The following HIBCH variants were observed in gnomAD, a reference collection of about 807,000 sequenced individuals.
HIBCH encodes the protein 3-hydroxyisobutyryl-CoA hydrolase, mitochondrial.
In HIBCH, 50 loss-of-function variants were observed where a neutral mutation model predicts 58.2. The observed-to-expected ratio is 0.86, with a 90% CI of 0.68 to 1.09. The LOEUF (loss-of-function observed/expected upper bound fraction) is 1.09. Ranked by LOEUF, HIBCH falls within the 50% of genes least tolerant of loss-of-function variation. HIBCH has a pLI of 0.00. For missense variants in HIBCH, 450 were observed against 449.7 expected, an observed-to-expected ratio of 1.00 and a Z score of -0.01; for synonymous variants, 151 against 146.9, an observed-to-expected ratio of 1.03 and a Z score of -0.20.
Position 190,204,947 on chromosome 2 carries a change from A to C in HIBCH, c.*170T>G. 1 of 626,012 alleles carries C rather than the reference A, an allele frequency of 1.6e-6. No individual in the cohort carries two copies. Among genetic ancestry groups the C allele is most frequent in the South Asian group, 1.8e-5 (1 of 54,604 alleles). 38.8% of individuals were successfully genotyped at this position (626,012 alleles called of 1,614,324 possible). A position where few individuals can be genotyped will look rare whatever the true frequency, so the allele number is the denominator to read the frequency against. ...AAAGCTTTATTTGTGAATTCTGATA[A>C]TTTTCACGTCATGAATTATTAGTCT... On this transcript the variant is annotated 3_prime_UTR_variant, in exon 14 of 14. Transcript: ENST00000359678.
In HIBCH at chr2:190,211,716, T is replaced by C. The variant is rs1056428168; in HGVS notation, c.1011+1240A>G. On this transcript the variant is annotated intron_variant, in intron 12 of 13. Coordinates refer to ENST00000359678, the MANE Select transcript of HIBCH (RefSeq NM_014362.4). This position sits in a 1 kb window ranked among gnomAD's most constrained non-coding sequence, Gnocchi z 5.0. The stretch of plus-strand genomic sequence containing the variant: ...TGTATGTTTTCCTTTAGAGTACTTA[T>C]CACAATTTATAATTATTTTACTTAT... 6.6e-6 allele frequency among the ~76,000 whole-genome samples: 1 copy of C among 152,208 alleles called. No individual in the cohort carries two copies. Among genetic ancestry groups the C allele is most frequent in the African/African-American group, 2.4e-5 (1 of 41,448 alleles).
intron 6 of HIBCH, among the ~76,000 whole-genome samples, chr2:190,280,352 C>T (rs1487204970): frequency 6.6e-6 from 1 of 152,086 alleles, no homozygotes; most frequent in East Asian, 1.9e-4. Context: ...GGTAGCTAGG[C>T]AGACATGAGC....
chr2:190,293,031 G>A (rs969517407), intron 4 of HIBCH, among the ~76,000 whole-genome samples: 14 of 152,150 alleles, frequency 9.2e-5, no homozygotes, highest in African/African-American at 2.9e-4. Context: ...TCTACAACTT[G>A]TAGCTGTTAT....
intron 2 of HIBCH, among the ~76,000 whole-genome samples, chr2:190,300,412 T>G (rs1202518645): frequency 6.6e-6 from 1 of 152,156 alleles, no homozygotes; most frequent in East Asian, 1.9e-4. Context: ...TCTCTAATGA[T>G]CAGTGATACT....
chr2:190,293,829 G>C (rs1483704374), intron 4 of HIBCH, among the ~76,000 whole-genome samples: 1 of 151,438 alleles, frequency 6.6e-6, no homozygotes, highest in African/African-American at 2.4e-5. Flanking sequence ...GACAATTATA[G>C]TGATTATAAT....
chr2:190,285,032 T>C (rs531895981), intron 6 of HIBCH, among the ~76,000 whole-genome samples: 11 of 152,346 alleles, frequency 7.2e-5, no homozygotes, highest in Admixed American at 2.0e-4. Context: ...TCATCACTTA[T>C]ATATTTTTTT....
chr2:190,223,556 A>G (rs926663180), intron 11 of HIBCH, among the ~76,000 whole-genome samples: 2 of 152,236 alleles, frequency 1.3e-5, no homozygotes, highest in Non-Finnish European at 2.9e-5. Context: ...TCTGAAAATA[A>G]TGGTAGAAGA....
Position 190,210,711 on chromosome 2 carries a change from G to A in HIBCH, c.1012-1798C>T, listed in dbSNP as rs140388313. 7.2e-5 allele frequency among the ~76,000 whole-genome samples: 11 copies of A among 152,010 alleles called. No individual in the cohort carries two copies. Among genetic ancestry groups the A allele is most frequent in the Admixed American group, 1.3e-4 (2 of 15,262 alleles). On this transcript the variant is annotated intron_variant, in intron 12 of 13. Transcript: ENST00000359678. This position sits in a 1 kb window ranked among gnomAD's most constrained non-coding sequence, Gnocchi z 5.5. ...TCACCACAACCTCTGCCCCCCATCC[G>A]CTTCCACACGGCCTCTTTGTGGTCC...
downstream of HIBCH, chr2:190,202,622 A>G (rs1427445020): frequency 6.0e-6 from 1 of 167,012 alleles, no homozygotes; most frequent in East Asian, 1.9e-4. Context: ...CATGAACAAT[A>G]AAAGAGAGTA....
chr2:190,199,033 T>C (rs1426445537), downstream of HIBCH, among the ~76,000 whole-genome samples: 1 of 152,238 alleles, frequency 6.6e-6, no homozygotes, highest in Non-Finnish European at 1.5e-5. Context: ...CTATATTGTT[T>C]AGACGTGGCA....
chr2:190,229,327 A>G (rs2105918192), intron 11 of HIBCH, among the ~76,000 whole-genome samples: 1 of 152,356 alleles, frequency 6.6e-6, no homozygotes, highest in Non-Finnish European at 1.5e-5. Context: ...ATTAAAGAAA[A>G]CAAATTGGCT....
At chr2:190,199,660 C>G (rs541674521), downstream of HIBCH, 12 of 1,338,246 alleles carry the variant, frequency 9.0e-6, no homozygotes, top group Admixed American at 2.1e-4. Context: ...ATTTTGCATT[C>G]TGTAACTTCA....
chr2:190,190,318 C>A (rs1189001002), intron 1 of HIBCH, among the ~76,000 whole-genome samples: 1 of 152,044 alleles, frequency 6.6e-6, no homozygotes, highest in Non-Finnish European at 1.5e-5. Context: ...AAATATGATC[C>A]ATCTTTTTTA....
chr2:190,271,382 G>A (rs746955111), intron 6 of HIBCH, among the ~76,000 whole-genome samples: 45 of 148,608 alleles, frequency 3.0e-4, no homozygotes, highest in South Asian at 1.7e-3. Context: ...TCTACCTCCC[G>A]GGTTTCAAGC....
intron 11 of HIBCH, among the ~76,000 whole-genome samples, chr2:190,229,080 G>A (rs1355510454): frequency 6.6e-6 from 1 of 152,104 alleles, no homozygotes; most frequent in Non-Finnish European, 1.5e-5. Context: ...AATATACAGT[G>A]TGACATGCCT....
At chr2:190,246,119 A>G (rs1221042669) in intron 10 of HIBCH, 35 bp downstream of exon 10, 2 of 1,214,044 alleles carry the variant, frequency 1.6e-6, no homozygotes, top group African/African-American at 3.0e-5. Context: ...TAGTCTTTCT[A>G]AAGGAATATA....
At chr2:190,307,668 A>G (rs557832791) in intron 2 of HIBCH, among the ~76,000 whole-genome samples, 2 of 152,152 alleles carry the variant, frequency 1.3e-5, no homozygotes, top group Admixed American at 6.5e-5. Context: ...TGTCTCAAAC[A>G]ATAACAAACA....
chr2:190,278,778 G>A (rs1446253573), intron 6 of HIBCH, among the ~76,000 whole-genome samples: 1 of 146,952 alleles, frequency 6.8e-6, no homozygotes, highest in Non-Finnish European at 1.5e-5. Flanking sequence ...TCACTCCACT[G>A]TCCACTATCC....
At chr2:190,258,979 G>A (rs532007873) in intron 7 of HIBCH, among the ~76,000 whole-genome samples, 12 of 152,178 alleles carry the variant, frequency 7.9e-5, no homozygotes, top group East Asian at 1.9e-4. Flanking sequence ...AGTGGTCTAC[G>A]TATTCATTTT....
Sources: gnomAD v4.1 joint callset for allele counts (sites outside exome capture counted in the v4.1 genomes callset) on GRCh38, gnomAD v4.1.1 for gene constraint, Gnocchi (gnomAD v3.1) non-coding constraint, MANE v1.5 for transcripts, NCBI Gene and HGNC (gene_info 2026-07-23, HGNC 2026-07-21) for gene names.